MYO7B: variants seen among roughly 807,000 people sequenced by gnomAD.
MYO7B encodes unconventional myosin-VIIb.
MYO7B carries 212 observed loss-of-function variants against 259.7 expected under a neutral mutation model. That is an observed-to-expected ratio of 0.82 (90% confidence interval 0.73 to 0.91). The LOEUF (loss-of-function observed/expected upper bound fraction) is 0.91. Among genes scored for constraint, MYO7B ranks in the 40% least tolerant of loss-of-function variants. The probability of loss-of-function intolerance (pLI) is 0.00; values close to 1 mark genes in which losing one functional copy is unlikely to be tolerated. For missense variants in MYO7B, 2,732 were observed against 2,813.5 expected (o/e 0.97, Z 0.66); for synonymous variants, 1,197 against 1,166.4 (o/e 1.03, Z -0.54).
rs944215171 is a variant in MYO7B at position 127,635,802 on chromosome 2, C to G, written c.5901C>G (p.Ala1967=). The G allele has an allele frequency of 2.5e-6, 4 of 1,594,702 alleles. No homozygotes were observed. In the African/African-American group the frequency reaches 5.4e-5, roughly 21 times the overall value. Residue 1967 remains alanine (A), a synonymous_variant, in exon 44 of 48, where the codon GCC becomes GCG. Coordinates refer to ENST00000409816, the MANE Select transcript of MYO7B (RefSeq NM_001393586.1). ...AIHLAGLIYK[A]QFNNDRSQLA... is the part of the protein sequence containing the mutation. Reference sequence around the variant, plus strand: ...ACCTGGCGGGCCTCATCTACAAGGCCCAGTTCAACAACGACCGGTCCCAGC... The same window carrying G: ...ACCTGGCGGGCCTCATCTACAAGGCGCAGTTCAACAACGACCGGTCCCAGC...
In MYO7B at chr2:127,624,307, ACAG is replaced by A; in HGVS notation, c.4036_4038del (p.Ser1346del). ...CTCCGAGGAGTCTGGTCTGGCGAGT[ACAG>A]CTTCGAGAAGGTGAGGGGCCTGAGA... is the stretch of plus-strand genomic sequence containing the variant. On this transcript the variant is annotated inframe_deletion, in exon 30 of 48. Transcript: ENST00000409816. 1 of 1,576,802 alleles carries A rather than the reference ACAG, an allele frequency of 6.3e-7. No individual in the cohort carries two copies. The highest frequency in any genetic ancestry group is 8.6e-7 in the Non-Finnish European group (1 of 1,161,852).
intron 9 of MYO7B, among the ~76,000 whole-genome samples, chr2:127,580,299 C>T (rs1168940843): frequency 6.6e-6 from 1 of 152,272 alleles, no homozygotes; most frequent in Admixed American, 6.5e-5. Context: ...GCAATAGAGC[C>T]AGGCCTGGCT....
chr2:127,631,053 C>T (rs988282179), intron 36 of MYO7B, 145 bp downstream of exon 36: 101 of 1,375,496 alleles, frequency 7.3e-5, no homozygotes, highest in Admixed American at 3.3e-4. Flanking sequence ...GTGGAGCCTG[C>T]CTGGCCTTCC....
chr2:127,634,864 C>A (rs1681713984), intron 42 of MYO7B, 181 bp downstream of exon 42: 4 of 671,698 alleles, frequency 6.0e-6, no homozygotes, highest in Non-Finnish European at 1.0e-5. Flanking sequence ...AAACAGGTGG[C>A]TGCACCTTGG....
intron 18 of MYO7B, among the ~76,000 whole-genome samples, chr2:127,596,243 G>T (rs1457036269): frequency 1.3e-5 from 2 of 152,250 alleles, no homozygotes; most frequent in African/African-American, 4.8e-5. Context: ...TTAGCAAGAA[G>T]AAAGAGCTAA....
At chr2:127,635,308 C>T in intron 43 of MYO7B, 82 bp downstream of exon 43, 1 of 1,355,460 alleles carries the variant, frequency 7.4e-7, no homozygotes, top group South Asian at 1.2e-5. Context: ...AGCCAGCAGG[C>T]CAGGGCAGGG....
Position 127,615,244 on chromosome 2 carries a change from G to A in MYO7B, c.3398+2641G>A, listed in dbSNP as rs982410626. On this transcript the variant is annotated intron_variant, in intron 26 of 47. Coordinates refer to ENST00000409816, the MANE Select transcript of MYO7B (RefSeq NM_001393586.1). The surrounding 1 kb of genome is among the most constrained non-coding windows in gnomAD (Gnocchi z 4.4). ...GGAGGAGGGGTGTTTGCCAGACAGAGGGAAAGGGTAGACGGGTCACCCGTG... is the reference window on the plus strand; with the variant it reads ...GGAGGAGGGGTGTTTGCCAGACAGAAGGAAAGGGTAGACGGGTCACCCGTG... Among the ~76,000 whole-genome samples, 5 of 152,194 alleles carry A rather than the reference G, an allele frequency of 3.3e-5. No homozygotes were observed. The highest frequency in any genetic ancestry group is 7.3e-5 in the Non-Finnish European group (5 of 68,028).
chr2:127,585,708 GA>G lies in MYO7B; in HGVS notation c.1690+796del, dbSNP rs1419896469. ...TACATTCCCACTAGCAATGTATGAG[GA>G]CTCCAGTTCCTCCACATCCTTGCCT... On this transcript the variant is annotated intron_variant, in intron 14 of 47. Coordinates refer to ENST00000409816, the MANE Select transcript of MYO7B (RefSeq NM_001393586.1). This position sits in a 1 kb window ranked among gnomAD's most constrained non-coding sequence, Gnocchi z 4.3. 3.9e-5 allele frequency among the ~76,000 whole-genome samples: 6 copies of G among 152,286 alleles called. No individual in the cohort carries two copies. The highest frequency in any genetic ancestry group is 3.3e-4 in the Admixed American group (5 of 15,304).
At position 127,578,281 on chromosome 2, in the gene MYO7B, T is replaced by C; in HGVS notation, c.998T>C (p.Phe333Ser). The C allele has an allele frequency of 1.2e-6, 2 of 1,613,260 alleles. No homozygotes were observed. Among genetic ancestry groups the C allele is most frequent in the Non-Finnish European group, 1.7e-6 (2 of 1,179,780 alleles). ...AAILHLGNVG[F>S]MASVFENLDA... ...ATTCTCCACCTGGGGAATGTGGGGT[T>C]CATGGGTAATGCCGGTTCTGCCCCA... The change falls in exon 9 of 48, where the codon TTC becomes TCC. Residue 333 changes from phenylalanine to serine, a missense_variant. Coordinates refer to ENST00000409816, the MANE Select transcript of MYO7B (RefSeq NM_001393586.1).
rs1396402598 is a variant in MYO7B at position 127,637,500 on chromosome 2, C to A, written c.*83C>A. 2 of 1,093,554 alleles carry A rather than the reference C, an allele frequency of 1.8e-6. No homozygotes were observed. Among genetic ancestry groups the A allele is most frequent in the East Asian group, 5.2e-5 (2 of 38,200 alleles). The allele number at this position is 1,093,554 out of a possible 1,614,324, so 67.7% of individuals were successfully genotyped here. On this transcript the variant is annotated 3_prime_UTR_variant, in exon 48 of 48. Coordinates refer to ENST00000409816, the MANE Select transcript of MYO7B (RefSeq NM_001393586.1). ...CTTCCCAGGCCCTCTCAACCCAGGG[C>A]CTGTCCTTGGCGGGCAGCCTTCCAT... is the stretch of plus-strand genomic sequence containing the variant.
At chr2:127,558,237 A>G (rs1677908537) in intron 1 of MYO7B, among the ~76,000 whole-genome samples, 1 of 152,266 alleles carries the variant, frequency 6.6e-6, no homozygotes, top group South Asian at 2.1e-4. Flanking sequence ...GCCAACAAAC[A>G]TGAAAAAATG....
At chr2:127,604,132 CA>C (rs1009516643) in intron 19 of MYO7B, among the ~76,000 whole-genome samples, 9 of 151,806 alleles carry the variant, frequency 5.9e-5, no homozygotes, top group Admixed American at 2.0e-4. Flanking sequence ...GCCTCCATCT[CA>C]AAAAAAAGAA....
chr2:127,632,050 C>T (rs946714711), intron 38 of MYO7B, among the ~76,000 whole-genome samples, 196 bp from the exon 39 acceptor site: 1 of 152,156 alleles, frequency 6.6e-6, no homozygotes, highest in Non-Finnish European at 1.5e-5. Flanking sequence ...TGCCCACCCG[C>T]CCCCATCTTG....
rs941183804 is a variant in MYO7B, at chr2:127,577,617, C to G, written c.850-516C>G. Among the ~76,000 whole-genome samples the G allele has an allele frequency of 6.6e-6, 1 of 152,180 alleles. No individual in the cohort carries two copies. Among genetic ancestry groups the G allele is most frequent in the Non-Finnish European group, 1.5e-5 (1 of 68,022 alleles). ...TCCCATCATCCTCTGCCTAAACTGC[C>G]CTCTGTCCTCAGAGGCGGTGGGGCC... is the stretch of plus-strand genomic sequence containing the variant. On this transcript the variant is annotated intron_variant, in intron 8 of 47. Coordinates refer to ENST00000409816, the MANE Select transcript of MYO7B (RefSeq NM_001393586.1). The surrounding 1 kb of genome is among the most constrained non-coding windows in gnomAD (Gnocchi z 5.2).
At chr2:127,608,227 A>G (rs1406519245) in intron 21 of MYO7B, among the ~76,000 whole-genome samples, 3 of 152,184 alleles carry the variant, frequency 2.0e-5, no homozygotes, top group Non-Finnish European at 4.4e-5. Context: ...CAAATGAGAG[A>G]ATGCACCCAT....
Position 127,635,426 on chromosome 2 carries a change from GC to G in MYO7B, c.5820+201del, listed in dbSNP as rs1356202964. 6.4e-6 allele frequency: 4 copies of G among 628,894 alleles called. No homozygotes were observed. The African/African-American group carries it at 7.3e-5, about 12-fold the overall frequency. 39.0% of individuals were successfully genotyped at this position (628,894 alleles called of 1,614,324 possible). On this transcript the variant is annotated intron_variant, in intron 43 of 47. Coordinates refer to ENST00000409816, the MANE Select transcript of MYO7B (RefSeq NM_001393586.1). ...ATGTTTGGGGACAGTGACTGCACTG[GC>G]ACCTGCAGCATGACTTGGAGAGGGT...
chr2:127,631,081 G>C (rs1681473770), intron 36 of MYO7B, 125 bp from the exon 37 acceptor site: 2 of 1,411,838 alleles, frequency 1.4e-6, no homozygotes, highest in Admixed American at 5.3e-5. Flanking sequence ...GGGGAGTCAG[G>C]AGGGGCTTGC....
At position 127,590,133 on chromosome 2, in the gene MYO7B, G is replaced by C. The variant is rs1314783119; in HGVS notation, c.1896G>C (p.Gln632His). The C allele has an allele frequency of 6.2e-7, 1 of 1,607,108 alleles. No homozygotes were observed. Among genetic ancestry groups the C allele is most frequent in the East Asian group, 2.2e-5 (1 of 44,794 alleles). Reference protein sequence around the residue: ...SNKRPSTLGSQFKQSLDQLMK... With the variant: ...SNKRPSTLGSHFKQSLDQLMK... ...AACGGCCCTCCACCTTAGGAAGCCA[G>C]TTCAAACAGTCTCTGGACCAGCTGA... The change falls in exon 16 of 48, where the codon CAG (glutamine) becomes CAC (histidine). Residue 632 changes from glutamine to histidine, a missense_variant. This residue lies in a region of MYO7B where 1,906 missense variants were observed against 2,026.4 expected (regional missense o/e 0.94). Coordinates refer to ENST00000409816, the MANE Select transcript of MYO7B (RefSeq NM_001393586.1). This position sits in a 1 kb window ranked among gnomAD's most constrained non-coding sequence, Gnocchi z 4.6.
chr2:127,622,080 C>G lies in MYO7B; in HGVS notation c.3624C>G (p.Pro1208=). The G allele has an allele frequency of 6.5e-7, 1 of 1,549,956 alleles. No individual in the cohort carries two copies. The highest frequency in any genetic ancestry group is 8.7e-7 in the Non-Finnish European group (1 of 1,145,692). Residue 1208 remains proline (P), a synonymous_variant, in exon 28 of 48, where the codon CCC becomes CCG. Transcript: ENST00000409816. The stretch of plus-strand genomic sequence containing the variant: ...ATGCCAATGGGGTGCGTGCGGAGCC[C>G]CCCACCTGGCTGGAGCTGCAGGTAG... ...RTYANGVRAE[P]PTWLELQAVK... is the part of the protein sequence containing the mutation.
Sources: gnomAD v4.1 joint callset for allele counts (sites outside exome capture counted in the v4.1 genomes callset) on GRCh38, gnomAD v4.1.1 for gene constraint, gnomAD v4.1.1 regional missense constraint, Gnocchi (gnomAD v3.1) non-coding constraint, MANE v1.5 for transcripts, NCBI Gene and HGNC (gene_info 2026-07-23, HGNC 2026-07-21) for gene names.